The following PIBF1 variants were observed in gnomAD, a reference collection of about 807,000 sequenced individuals.
PIBF1 encodes progesterone immunomodulatory binding factor 1, also known as progesterone-induced-blocking factor 1.
A neutral mutation model predicts 112.5 loss-of-function variants in PIBF1; 90 were observed. That is an observed-to-expected ratio of 0.80 (90% confidence interval 0.67 to 0.95). The LOEUF (loss-of-function observed/expected upper bound fraction) is 0.95, where lower values mean the gene tolerates loss of function less well. Ranked by LOEUF, PIBF1 falls within the 40% of genes least tolerant of loss-of-function variation. The pLI is 0.00. For synonymous variants in PIBF1, 301 were observed against 288.6 expected (o/e 1.04, Z -0.44); for missense variants, 915 against 852.3 (o/e 1.07, Z -0.92).
At chr13:72,843,528 C>G (rs2037703144) in intron 9 of PIBF1, among the ~76,000 whole-genome samples, 1 of 152,238 alleles carries the variant, frequency 6.6e-6, no homozygotes, top group South Asian at 2.1e-4. Flanking sequence ...TATCCTGCCT[C>G]AGCCTCCCAG....
Position 72,821,856 on chromosome 13 carries a change from AG to A in PIBF1, c.682del (p.Glu228LysfsTer18), listed in dbSNP as rs1269259593. On this transcript the variant is annotated frameshift_variant, in exon 6 of 18. Coordinates refer to ENST00000326291, the MANE Select transcript of PIBF1 (RefSeq NM_006346.4). LOFTEE classifies it high-confidence loss of function. ...NQLKQLTETY[E>X]EDRKNYSEVQ... Reference sequence around the variant, plus strand: ...TATTCCTTTGGTTTATAGACATATGAGGAAGATCGAAAAAACTACTCTGAAG... The same window carrying A: ...TATTCCTTTGGTTTATAGACATATGAGAAGATCGAAAAAACTACTCTGAAG... The A allele has an allele frequency of 1.2e-6, 2 of 1,610,614 alleles. No individual in the cohort carries two copies. The highest frequency in any genetic ancestry group is 1.7e-6 in the Non-Finnish European group (2 of 1,178,056).
At chr13:72,891,905 A>G (rs1256323106) in intron 10 of PIBF1, among the ~76,000 whole-genome samples, 1 of 152,144 alleles carries the variant, frequency 6.6e-6, no homozygotes, top group Non-Finnish European at 1.5e-5. Flanking sequence ...TTCATTCTAC[A>G]ACATGAATGA....
At chr13:72,923,263 T>C (rs1056886734) in intron 13 of PIBF1, among the ~76,000 whole-genome samples, 5 of 152,172 alleles carry the variant, frequency 3.3e-5, no homozygotes, top group African/African-American at 7.2e-5. Flanking sequence ...AGGCTAAAAA[T>C]GTTAGGAAAT....
At chr13:72,942,239 A>C (rs1791224412) in intron 14 of PIBF1, among the ~76,000 whole-genome samples, 1 of 148,598 alleles carries the variant, frequency 6.7e-6, no homozygotes, top group South Asian at 2.2e-4. Context: ...TTCAAGGTCA[A>C]CCATATTTCT....
intron 10 of PIBF1, among the ~76,000 whole-genome samples, chr13:72,869,368 A>G (rs2039059644): frequency 6.6e-6 from 1 of 151,380 alleles, no homozygotes. Flanking sequence ...TTGCAAGGAC[A>G]AAAAACCAAG....
chr13:73,006,399 T>A lies in PIBF1; in HGVS notation c.2223+7404T>A, dbSNP rs148763841. Among the ~76,000 whole-genome samples, 334 of 152,286 alleles carry A rather than the reference T, an allele frequency of 2.2e-3. 2 individuals are homozygous for A. Among genetic ancestry groups the A allele is most frequent in the Middle Eastern group, 0.01 (3 of 294 alleles). ...TTTAGCTGGTGAGCTAAACTAGAAATCAGGAATTTTTTGGTGAGCATGGAA... is the reference window on the plus strand; with the variant it reads ...TTTAGCTGGTGAGCTAAACTAGAAAACAGGAATTTTTTGGTGAGCATGGAA... On this transcript the variant is annotated intron_variant, in intron 17 of 17. Coordinates refer to ENST00000326291, the MANE Select transcript of PIBF1 (RefSeq NM_006346.4).
At chr13:72,810,901 G>A (rs990594533) in intron 5 of PIBF1, among the ~76,000 whole-genome samples, 12 of 150,284 alleles carry the variant, frequency 8.0e-5, no homozygotes, top group African/African-American at 3.0e-4. Flanking sequence ...CTGTTGCCCA[G>A]GCTGGAGTGC....
intron 10 of PIBF1, chr13:72,884,605 T>TA (rs1434663407): frequency 5.9e-5 from 9 of 152,204 alleles, no homozygotes; most frequent in Non-Finnish European, 8.8e-5. Flanking sequence ...GTTGCTTTGA[T>TA]TATATTAGGC....
intron 10 of PIBF1, among the ~76,000 whole-genome samples, chr13:72,875,575 G>T (rs2039362140): frequency 6.6e-6 from 1 of 152,150 alleles, no homozygotes; most frequent in Non-Finnish European, 1.5e-5. Context: ...GAGAATTCCT[G>T]TTACTCCATA....
chr13:72,882,927 G>C (rs1196135003), intron 10 of PIBF1, among the ~76,000 whole-genome samples: 1 of 152,138 alleles, frequency 6.6e-6, no homozygotes, highest in Non-Finnish European at 1.5e-5. Context: ...TCATATGGTA[G>C]CTTTATGCTT....
intron 13 of PIBF1, among the ~76,000 whole-genome samples, chr13:72,930,309 A>G (rs184948849): frequency 7.8e-4 from 118 of 152,246 alleles, no homozygotes; most frequent in African/African-American, 2.7e-3. Context: ...CTAGGATTCC[A>G]TGGATTCTGC....
In PIBF1 at chr13:72,861,763, G is replaced by A. The variant is rs145821720; in HGVS notation, c.1322+7608G>A. ...GTATTTTTAGTAGGTATGGGGTTTC[G>A]CCATGTTGGCCAGGCTGGCCTCAAA... On this transcript the variant is annotated intron_variant, in intron 10 of 17. Coordinates refer to ENST00000326291, the MANE Select transcript of PIBF1 (RefSeq NM_006346.4). Among the ~76,000 whole-genome samples, 1,066 of 152,054 alleles carry A rather than the reference G, an allele frequency of 7.0e-3. 15 individuals are homozygous for A. Among genetic ancestry groups the A allele is most frequent in the African/African-American group, 0.025 (1,027 of 41,482 alleles).
intron 13 of PIBF1, among the ~76,000 whole-genome samples, chr13:72,928,295 T>C (rs1017348846): frequency 6.6e-6 from 1 of 151,968 alleles, no homozygotes; most frequent in African/African-American, 2.4e-5. Flanking sequence ...CTGTAGAGTA[T>C]ATTTGTAAGC....
At chr13:72,836,240 C>A (rs1036390237) in intron 9 of PIBF1, 3 of 345,562 alleles carry the variant, frequency 8.7e-6, no homozygotes, top group Non-Finnish European at 1.7e-5. Context: ...TATTTTTATA[C>A]CGTTATTATA....
In PIBF1 at chr13:72,811,556, G is replaced by A. The variant is rs192703233; in HGVS notation, c.673-10293G>A. Among the ~76,000 whole-genome samples the A allele has an allele frequency of 3.6e-3, 526 of 147,056 alleles. 1 individual carries two copies. The highest frequency in any genetic ancestry group is 0.011 in the African/African-American group (424 of 39,398). On this transcript the variant is annotated intron_variant, in intron 5 of 17. Transcript: ENST00000326291. ...GGTTGCAGTGAGCGGAGATCGCGCC[G>A]TTGCTCTCTAGCCTGGGTGACAGAA...
intron 10 of PIBF1, among the ~76,000 whole-genome samples, chr13:72,864,740 C>T (rs572245576): frequency 1.3e-5 from 2 of 152,194 alleles, no homozygotes; most frequent in African/African-American, 2.4e-5. Context: ...TTATTTTCCA[C>T]GATTATTTTA....
chr13:72,850,999 A>G (rs986055070), intron 9 of PIBF1, among the ~76,000 whole-genome samples: 15 of 152,294 alleles, frequency 9.8e-5, no homozygotes, highest in East Asian at 5.8e-4. Flanking sequence ...CTTATCAACT[A>G]TTTTACTGAC....
chr13:73,008,633 C>A (rs761522546), intron 17 of PIBF1, among the ~76,000 whole-genome samples: 1 of 151,916 alleles, frequency 6.6e-6, no homozygotes. Context: ...GACTATAAAC[C>A]GACAAACAAA....
At position 72,864,709 on chromosome 13, in the gene PIBF1, A is replaced by G. The variant is rs116574608; in HGVS notation, c.1322+10554A>G. Among the ~76,000 whole-genome samples the G allele has an allele frequency of 6.4e-3, 971 of 152,286 alleles. 12 individuals carry two copies. Among genetic ancestry groups the G allele is most frequent in the African/African-American group, 0.022 (902 of 41,568 alleles). ...GCCAGCTAACTAAATCAACTCATAAAAACTAAAGTTAAGGGTAAGATTATT... is the reference window on the plus strand; with the variant it reads ...GCCAGCTAACTAAATCAACTCATAAGAACTAAAGTTAAGGGTAAGATTATT... On this transcript the variant is annotated intron_variant, in intron 10 of 17. Coordinates refer to ENST00000326291, the MANE Select transcript of PIBF1 (RefSeq NM_006346.4).
Sources: allele counts gnomAD v4.1 joint callset (sites outside exome capture counted in the v4.1 genomes callset), GRCh38; gene constraint gnomAD v4.1.1; transcripts MANE v1.5; gene names NCBI Gene and HGNC (gene_info 2026-07-23, HGNC 2026-07-21).